RAB31: variants seen among roughly 807,000 people sequenced by gnomAD.
RAB31 encodes the protein ras-related protein Rab-31.
Under a neutral mutation model 25.6 loss-of-function variants are expected in RAB31, and 21 were observed. That is an observed-to-expected ratio of 0.82 (90% CI 0.58 to 1.18). The LOEUF (loss-of-function observed/expected upper bound fraction) is 1.18. Among genes scored for constraint, RAB31 ranks in the 50% most tolerant of loss-of-function variants. The probability of loss-of-function intolerance (pLI) is 0.00; values close to 1 mark genes in which losing one functional copy is unlikely to be tolerated. For synonymous variants in RAB31, 87 were observed against 84.0 expected (o/e 1.04, Z -0.20); for missense variants, 196 against 250.1 (o/e 0.78, Z 1.46).
intron 3 of RAB31, among the ~76,000 whole-genome samples, chr18:9,809,087 A>C (rs1201030137): frequency 6.6e-6 from 1 of 152,208 alleles, no homozygotes; most frequent in African/African-American, 2.4e-5. Flanking sequence ...CGAGCACATA[A>C]GGCAGTACAG....
At chr18:9,794,994 C>T (rs759291187) in intron 3 of RAB31, among the ~76,000 whole-genome samples, 12 of 152,118 alleles carry the variant, frequency 7.9e-5, no homozygotes, top group Non-Finnish European at 1.8e-4. Flanking sequence ...TCAAACTATA[C>T]TATAAGGGCA....
intron 2 of RAB31, among the ~76,000 whole-genome samples, chr18:9,775,970 A>G (rs560963966): frequency 6.6e-6 from 1 of 152,016 alleles, no homozygotes; most frequent in East Asian, 1.9e-4. Context: ...TTGTATTTTT[A>G]GTAGAGATGG....
At chr18:9,750,014 C>A (rs2068226402) in intron 1 of RAB31, among the ~76,000 whole-genome samples, 1 of 152,208 alleles carries the variant, frequency 6.6e-6, no homozygotes, top group African/African-American at 2.4e-5. Context: ...TCTCCCTGAA[C>A]TCAGCTCCAG....
intron 5 of RAB31, among the ~76,000 whole-genome samples, chr18:9,826,075 A>T (rs1233498575): frequency 6.6e-6 from 1 of 152,092 alleles, no homozygotes; most frequent in Non-Finnish European, 1.5e-5. Context: ...TCTGAATCTA[A>T]AATAAAAGTT....
intron 5 of RAB31, among the ~76,000 whole-genome samples, chr18:9,832,270 C>T (rs971236740): frequency 1.3e-5 from 2 of 152,234 alleles, no homozygotes; most frequent in African/African-American, 4.8e-5. Context: ...TCCTCGATTG[C>T]TCCAAACCCT....
intron 3 of RAB31, among the ~76,000 whole-genome samples, chr18:9,808,480 G>A (rs2068553615): frequency 6.6e-6 from 1 of 152,104 alleles, no homozygotes; most frequent in African/African-American, 2.4e-5. Context: ...GGAGAGAGAG[G>A]GTCTATGTAA....
At chr18:9,857,996 CT>C (rs2068827804) in intron 6 of RAB31, among the ~76,000 whole-genome samples, 1 of 152,138 alleles carries the variant, frequency 6.6e-6, no homozygotes, top group Non-Finnish European at 1.5e-5. Context: ...AGCCACTGCA[CT>C]TCAGCCTGGG....
intron 3 of RAB31, among the ~76,000 whole-genome samples, chr18:9,808,918 T>C (rs1341301121): frequency 6.6e-6 from 1 of 152,250 alleles, no homozygotes; most frequent in Non-Finnish European, 1.5e-5. Flanking sequence ...TGCAGGATTT[T>C]GCTGCTGTAG....
At chr18:9,819,283 A>T (rs535173059) in intron 5 of RAB31, among the ~76,000 whole-genome samples, 2 of 152,256 alleles carry the variant, frequency 1.3e-5, no homozygotes, top group African/African-American at 4.8e-5. Context: ...ATCTTTTGCC[A>T]TGTGGATATC....
Position 9,854,392 on chromosome 18 carries a change from C to T in RAB31, c.491-4836C>T, listed in dbSNP as rs56844933. ...GGTGCATCACCACTTCTTTACCTCC[C>T]TAGACTTTTAACTTCAGGCTTTTTG... On this transcript the variant is annotated intron_variant, in intron 6 of 6. Coordinates refer to ENST00000578921, the MANE Select transcript of RAB31 (RefSeq NM_006868.4). 5.8e-3 allele frequency among the ~76,000 whole-genome samples: 880 copies of T among 152,230 alleles called. 8 individuals carry two copies. Among genetic ancestry groups the T allele is most frequent in the African/African-American group, 0.02 (845 of 41,532 alleles).
chr18:9,715,795 G>T (rs1484361888), intron 1 of RAB31, among the ~76,000 whole-genome samples: 3 of 152,140 alleles, frequency 2.0e-5, no homozygotes, highest in African/African-American at 7.2e-5. Flanking sequence ...ACCTCCCAAA[G>T]TGTTGGGATT....
chr18:9,813,953 A>C (rs2068588015), intron 3 of RAB31, 67 bp from the exon 4 acceptor site: 1 of 1,111,738 alleles, frequency 9.0e-7, no homozygotes, highest in African/African-American at 1.5e-5. Flanking sequence ...TAAAACGTTT[A>C]TGTTTAATTT....
In RAB31 at chr18:9,861,399, C is replaced by T. The variant is rs2068846771; in HGVS notation, c.*2074C>T. 1 of 152,192 alleles carries T rather than the reference C, an allele frequency of 6.6e-6. No individual in the cohort carries two copies. The highest frequency in any genetic ancestry group is 2.4e-5 in the African/African-American group (1 of 41,424). The allele number at this position is 152,192 out of a possible 1,614,324, so 9.4% of individuals were successfully genotyped here. ...TCAGAAGCACATGAGGGTGTGAAAC[C>T]ACTCTGTTACCTTTCTGTATTGTCT... is the stretch of plus-strand genomic sequence containing the variant. On this transcript the variant is annotated 3_prime_UTR_variant, in exon 7 of 7. Coordinates refer to ENST00000578921, the MANE Select transcript of RAB31 (RefSeq NM_006868.4).
chr18:9,806,133 C>T (rs2068539711), intron 3 of RAB31, among the ~76,000 whole-genome samples: 2 of 150,736 alleles, frequency 1.3e-5, no homozygotes, highest in East Asian at 2.0e-4. Context: ...GCCGAGATGG[C>T]GCCAGTGCAC....
intron 2 of RAB31, among the ~76,000 whole-genome samples, chr18:9,784,555 AT>A (rs370039104): frequency 2.0e-3 from 291 of 141,976 alleles, no homozygotes; most frequent in East Asian, 6.8e-3. Context: ...ATTTTAGGTG[AT>A]TTTTTTTTTT....
chr18:9,708,512 C>G lies in RAB31; in HGVS notation c.39+68C>G, dbSNP rs2067997910. The stretch of plus-strand genomic sequence containing the variant: ...TCTCGCGCCCCTTCGCTCCCCTATT[C>G]CCTGCGCGCTCAGTCCCCGTGATCC... On this transcript the variant is annotated intron_variant, in intron 1 of 6. Coordinates refer to ENST00000578921, the MANE Select transcript of RAB31 (RefSeq NM_006868.4). This position sits in a 1 kb window ranked among gnomAD's most constrained non-coding sequence, Gnocchi z 6.4. The G allele has an allele frequency of 7.2e-7, 1 of 1,381,334 alleles. No individual in the cohort carries two copies. The highest frequency in any genetic ancestry group is 9.8e-7 in the Non-Finnish European group (1 of 1,024,462). The allele number at this position is 1,381,334 out of a possible 1,614,324, so 85.6% of individuals were successfully genotyped here. A position where few individuals can be genotyped will look rare whatever the true frequency, so the allele number is the denominator to read the frequency against.
At chr18:9,845,529 T>C in intron 5 of RAB31, 53 bp from the exon 6 acceptor site, 1 of 1,445,164 alleles carries the variant, frequency 6.9e-7, no homozygotes, top group Non-Finnish European at 9.2e-7. Flanking sequence ...TTGGGTGATT[T>C]GTATTTTACA....
intron 6 of RAB31, among the ~76,000 whole-genome samples, chr18:9,852,288 CA>C (rs1166957867): frequency 6.6e-6 from 1 of 152,128 alleles, no homozygotes. Flanking sequence ...ACTATGTTAT[CA>C]TATTAATAAC....
intron 1 of RAB31, among the ~76,000 whole-genome samples, chr18:9,743,542 G>A (rs2068190506): frequency 6.6e-6 from 1 of 152,226 alleles, no homozygotes; most frequent in Non-Finnish European, 1.5e-5. Context: ...ACAGCTCCCA[G>A]ATGGACATGG....
Sources: allele counts gnomAD v4.1 joint callset (sites outside exome capture counted in the v4.1 genomes callset), GRCh38; gene constraint gnomAD v4.1.1; non-coding constraint Gnocchi (gnomAD v3.1); transcripts MANE v1.5; gene names NCBI Gene and HGNC (gene_info 2026-07-23, HGNC 2026-07-21).